The following LIN7A variants were observed in gnomAD, a reference collection of about 807,000 sequenced individuals.
LIN7A encodes the protein lin-7 cell polarity scaffold A, also known as protein lin-7 homolog A.
LIN7A carries 25 observed loss-of-function variants against 29.8 expected under a neutral mutation model. That is an observed-to-expected ratio of 0.84 (90% CI 0.61 to 1.17). The LOEUF is 1.17. LIN7A is among the 50% of genes most tolerant of loss of function. The pLI is 0.00. For missense variants in LIN7A, 239 were observed against 287.0 expected, an observed-to-expected ratio of 0.83 and a Z score of 1.21; for synonymous variants, 118 against 107.5, an observed-to-expected ratio of 1.10 and a Z score of -0.60.
intron 1 of LIN7A, among the ~76,000 whole-genome samples, chr12:80,894,583 A>C (rs1165145575): frequency 1.8e-4 from 28 of 152,206 alleles, no homozygotes; most frequent in Admixed American, 1.8e-3. Flanking sequence ...AATTTTGGAA[A>C]GTGAAACCAC....
At chr12:80,817,563 C>T (rs1413274891) in intron 4 of LIN7A, among the ~76,000 whole-genome samples, 1 of 152,134 alleles carries the variant, frequency 6.6e-6, no homozygotes, top group Non-Finnish European at 1.5e-5. Flanking sequence ...AAACATCAGT[C>T]ATTCCTTTAG....
At chr12:80,829,414 C>T (rs1427407466) in intron 4 of LIN7A, among the ~76,000 whole-genome samples, 4 of 152,092 alleles carry the variant, frequency 2.6e-5, no homozygotes, top group African/African-American at 9.7e-5. Flanking sequence ...CCTATATTTC[C>T]TCTCAGTTGT....
intron 1 of LIN7A, among the ~76,000 whole-genome samples, chr12:80,906,809 T>G (rs1232311376): frequency 6.6e-6 from 1 of 152,044 alleles, no homozygotes; most frequent in Non-Finnish European, 1.5e-5. Flanking sequence ...TATGCATCCC[T>G]TGAACCTAAA....
chr12:80,869,064 T>C (rs1874288470), intron 2 of LIN7A, among the ~76,000 whole-genome samples: 1 of 151,860 alleles, frequency 6.6e-6, no homozygotes, highest in South Asian at 2.1e-4. Context: ...AAGGTGAAGC[T>C]AAGGTGGCCT....
intron 4 of LIN7A, among the ~76,000 whole-genome samples, chr12:80,823,553 C>G (rs896744260): frequency 6.6e-6 from 1 of 152,230 alleles, no homozygotes; most frequent in African/African-American, 2.4e-5. Context: ...TGCTCACACA[C>G]TCCTCACCAC....
At chr12:80,803,098 C>A (rs1344565893) in intron 5 of LIN7A, among the ~76,000 whole-genome samples, 1 of 152,134 alleles carries the variant, frequency 6.6e-6, no homozygotes, top group East Asian at 1.9e-4. Context: ...TTTCTTCAAT[C>A]TGTTGTTTCC....
intron 1 of LIN7A, among the ~76,000 whole-genome samples, chr12:80,899,446 TTTG>T (rs1416992958): frequency 7.2e-5 from 11 of 152,312 alleles, no homozygotes; most frequent in Non-Finnish European, 1.5e-4. Flanking sequence ...AGTTTTCTTT[TTTG>T]TTGTTGTGTT....
chr12:80,797,323 A>T lies in LIN7A; in HGVS notation c.*404T>A, dbSNP rs1162604462. On this transcript the variant is annotated 3_prime_UTR_variant, in exon 6 of 6. Transcript: ENST00000552864. ...TGTAGGTTTCACTTTGAACTGATGC[A>T]GTTTGAATTATAGCCTAATGAGGGG... 6.6e-6 allele frequency: 1 copy of T among 152,618 alleles called. No individual in the cohort carries two copies. Among genetic ancestry groups the T allele is most frequent in the Non-Finnish European group, 1.5e-5 (1 of 68,058 alleles). 9.5% of individuals were successfully genotyped at this position (152,618 alleles called of 1,614,324 possible).
intron 2 of LIN7A, among the ~76,000 whole-genome samples, chr12:80,880,149 T>A (rs1874951524): frequency 6.6e-6 from 1 of 152,204 alleles, no homozygotes; most frequent in Non-Finnish European, 1.5e-5. Context: ...AGCACTTTCA[T>A]GTCAATGGAA....
At chr12:80,934,919 A>G (rs1384028355) in intron 1 of LIN7A, among the ~76,000 whole-genome samples, 1 of 152,132 alleles carries the variant, frequency 6.6e-6, no homozygotes, top group Admixed American at 6.5e-5. Context: ...TCACAGTTTT[A>G]GTGAGCTATT....
chr12:80,833,779 C>G (rs1251468875), intron 4 of LIN7A, among the ~76,000 whole-genome samples: 1 of 152,120 alleles, frequency 6.6e-6, no homozygotes, highest in African/African-American at 2.4e-5. Context: ...TACTATTAAT[C>G]CTTTAAAATG....
intron 1 of LIN7A, among the ~76,000 whole-genome samples, chr12:80,929,660 A>G (rs1320248766): frequency 6.6e-6 from 1 of 152,204 alleles, no homozygotes; most frequent in African/African-American, 2.4e-5. Flanking sequence ...TTTTCCACGT[A>G]GCCTCTGGGA....
At chr12:80,848,422 T>C in intron 2 of LIN7A, 100 bp from the exon 3 acceptor site, 1 of 848,418 alleles carries the variant, frequency 1.2e-6, no homozygotes. Flanking sequence ...GGAAAAAAAT[T>C]CTCTATTGCA....
At chr12:80,834,186 G>GA (rs1592875101) in intron 4 of LIN7A, among the ~76,000 whole-genome samples, 1 of 152,262 alleles carries the variant, frequency 6.6e-6, no homozygotes, top group East Asian at 1.9e-4. Flanking sequence ...AGTTCAGAAT[G>GA]AAAAATCTAT....
intron 1 of LIN7A, among the ~76,000 whole-genome samples, chr12:80,936,170 T>C (rs932697661): frequency 6.6e-6 from 1 of 152,232 alleles, no homozygotes; most frequent in Non-Finnish European, 1.5e-5. Flanking sequence ...CAGATGATGA[T>C]ATTGTGGGTA....
At chr12:80,838,282 G>T (rs1477201983) in intron 4 of LIN7A, among the ~76,000 whole-genome samples, 1 of 152,180 alleles carries the variant, frequency 6.6e-6, no homozygotes, top group Admixed American at 6.5e-5. Context: ...GAGAGACCTG[G>T]TGCCCATTCT....
chr12:80,878,288 G>A (rs1038775034), intron 2 of LIN7A, among the ~76,000 whole-genome samples: 3 of 152,192 alleles, frequency 2.0e-5, no homozygotes, highest in African/African-American at 7.2e-5. Flanking sequence ...TTAAAAATGT[G>A]TCTTTACTCA....
At chr12:80,888,128 A>G (rs1875427513) in intron 2 of LIN7A, among the ~76,000 whole-genome samples, 1 of 152,146 alleles carries the variant, frequency 6.6e-6, no homozygotes, top group African/African-American at 2.4e-5. Context: ...GTTAAAACTT[A>G]GAGACGTTAT....
At chr12:80,892,967 C>G (rs1466474423) in intron 1 of LIN7A, among the ~76,000 whole-genome samples, 2 of 152,158 alleles carry the variant, frequency 1.3e-5, no homozygotes, top group African/African-American at 2.4e-5. Context: ...TATTGAAATG[C>G]AGATGCCTAA....
Sources: gnomAD v4.1 joint callset for allele counts (sites outside exome capture counted in the v4.1 genomes callset) on GRCh38, gnomAD v4.1.1 for gene constraint, MANE v1.5 for transcripts, NCBI Gene and HGNC (gene_info 2026-07-23, HGNC 2026-07-21) for gene names.